Variants in PSEN1 observed in about 807,000 individuals in gnomAD.
PSEN1 encodes the protein presenilin-1.
PSEN1 carries 15 observed loss-of-function variants against 53.5 expected under a neutral mutation model. The ratio of observed to expected loss-of-function variants is 0.28; its 90% CI spans 0.19 to 0.43. PSEN1 has a LOEUF of 0.43. PSEN1 is among the 20% of genes least tolerant of loss of function. The pLI, the probability that PSEN1 is intolerant of heterozygous loss-of-function variation, is 1.00. For missense variants in PSEN1, 387 were observed against 571.2 expected, an observed-to-expected ratio of 0.68 and a Z score of 3.29; for synonymous variants, 208 against 209.8, an observed-to-expected ratio of 0.99 and a Z score of 0.08.
chr14:73,202,567 G>A (rs1460666300), intron 8 of PSEN1, among the ~76,000 whole-genome samples: 1 of 136,690 alleles, frequency 7.3e-6, no homozygotes, highest in Non-Finnish European at 1.5e-5. Context: ...CCACCTCCCG[G>A]GTTCACGCCA....
At chr14:73,169,268 G>A (rs568248682) in intron 3 of PSEN1, 3 of 152,088 alleles carry the variant, frequency 2.0e-5, no homozygotes, top group South Asian at 2.1e-4. Context: ...TCTTAATCTC[G>A]TTTTCTGGTT....
chr14:73,196,681 G>A (rs1221844910), intron 7 of PSEN1, among the ~76,000 whole-genome samples: 1 of 150,850 alleles, frequency 6.6e-6, no homozygotes, highest in Admixed American at 6.6e-5. Context: ...TGCCATCTTG[G>A]CCAGGCTGGT....
At chr14:73,148,906 CT>C (rs1295167215) in intron 3 of PSEN1, among the ~76,000 whole-genome samples, 3 of 151,936 alleles carry the variant, frequency 2.0e-5, no homozygotes, top group Admixed American at 6.6e-5. Context: ...GCACTCCAGC[CT>C]GGGCGACGAG....
At chr14:73,148,933 AAAAT>A (rs1242133949) in intron 3 of PSEN1, among the ~76,000 whole-genome samples, 3 of 152,218 alleles carry the variant, frequency 2.0e-5, no homozygotes, top group African/African-American at 4.8e-5. Context: ...CTCCATCTCA[AAAAT>A]AAATAAATAA....
chr14:73,203,771 A>G (rs1477738614), intron 8 of PSEN1, among the ~76,000 whole-genome samples: 3 of 152,200 alleles, frequency 2.0e-5, no homozygotes, highest in South Asian at 2.1e-4. Context: ...GAGCTTAACT[A>G]GAAGGGAAAC....
chr14:73,217,260 T>C lies in PSEN1; in HGVS notation c.1248+16T>C. On this transcript the variant is annotated intron_variant, in intron 11 of 11. Transcript: ENST00000324501. ...CATATTAATTGTAAGTATACACTAA[T>C]AAGAATGTGTCAGAGCTCTTAATGT... The C allele has an allele frequency of 6.2e-7, 1 of 1,613,844 alleles. No individual in the cohort carries two copies. The highest frequency in any genetic ancestry group is 2.2e-5 in the East Asian group (1 of 44,872).
chr14:73,195,985 T>C (rs1439084570), intron 7 of PSEN1, among the ~76,000 whole-genome samples: 2 of 152,220 alleles, frequency 1.3e-5, no homozygotes, highest in East Asian at 1.9e-4. Flanking sequence ...ACAATATTTT[T>C]ACCATCAACC....
At chr14:73,184,667 G>C (rs1336765350) in intron 5 of PSEN1, among the ~76,000 whole-genome samples, 1 of 109,316 alleles carries the variant, frequency 9.1e-6, no homozygotes, top group African/African-American at 3.4e-5. Context: ...CCTCCCTCCC[G>C]GACGGAGCGG....
intron 5 of PSEN1, among the ~76,000 whole-genome samples, chr14:73,184,785 C>T (rs1298049839): frequency 3.3e-4 from 49 of 147,586 alleles, no homozygotes; most frequent in Middle Eastern, 3.5e-3. Context: ...GGCTGCCGGG[C>T]GGAGACGCTC....
chr14:73,141,761 G>C (rs116521228), intron 1 of PSEN1, among the ~76,000 whole-genome samples: 1 of 151,590 alleles, frequency 6.6e-6, no homozygotes, highest in Non-Finnish European at 1.5e-5. Flanking sequence ...TTCCAGCCTG[G>C]GCGACAAGAG....
intron 5 of PSEN1, among the ~76,000 whole-genome samples, chr14:73,183,939 C>A (rs1404665810): frequency 6.9e-6 from 1 of 144,496 alleles, no homozygotes. Flanking sequence ...GACCCCCCCA[C>A]CTCCCTCCCG....
chr14:73,197,746 A>G, intron 7 of PSEN1: 1 of 416,024 alleles, frequency 2.4e-6, no homozygotes, highest in Non-Finnish European at 4.4e-6. Flanking sequence ...AACTAGGAAG[A>G]CTTGTTCCTA....
At position 73,221,022 on chromosome 14, in the gene PSEN1, T is replaced by C. The variant is rs544487832; in HGVS notation, c.*1733T>C. The stretch of plus-strand genomic sequence containing the variant: ...TCCCAATCTATGATATGATATGACC[T>C]GGTTTGGGGCTGTCTTTGGTGTTTA... On this transcript the variant is annotated 3_prime_UTR_variant, in exon 12 of 12. Coordinates refer to ENST00000324501, the MANE Select transcript of PSEN1 (RefSeq NM_000021.4). 2.6e-5 allele frequency: 4 copies of C among 152,360 alleles called. No individual in the cohort carries two copies. The East Asian group carries it at 7.7e-4, about 29-fold the overall frequency. 9.4% of individuals were successfully genotyped at this position (152,360 alleles called of 1,614,324 possible).
At chr14:73,209,453 AG>A (rs1899592116) in intron 9 of PSEN1, among the ~76,000 whole-genome samples, 2 of 152,222 alleles carry the variant, frequency 1.3e-5, no homozygotes, top group African/African-American at 4.8e-5. Context: ...GTGAGCATGT[AG>A]GTATATATGT....
intron 7 of PSEN1, among the ~76,000 whole-genome samples, chr14:73,193,286 G>A (rs956756079): frequency 6.6e-6 from 1 of 152,048 alleles, no homozygotes; most frequent in African/African-American, 2.4e-5. Context: ...TTCCAGCCTG[G>A]GTGATAGAAC....
intron 5 of PSEN1, among the ~76,000 whole-genome samples, chr14:73,184,763 C>T (rs1419251993): frequency 6.6e-6 from 1 of 151,810 alleles, no homozygotes; most frequent in Non-Finnish European, 1.5e-5. Flanking sequence ...CCACCTCCCT[C>T]CCGGACGGGG....
chr14:73,177,377 GTTTT>G (rs139004553), intron 5 of PSEN1, among the ~76,000 whole-genome samples: 1 of 151,726 alleles, frequency 6.6e-6, no homozygotes, highest in African/African-American at 2.4e-5. Flanking sequence ...CTTTGCTGGG[GTTTT>G]TTTGTGTGTG....
At chr14:73,193,849 G>A (rs534551192) in intron 7 of PSEN1, among the ~76,000 whole-genome samples, 7 of 152,036 alleles carry the variant, frequency 4.6e-5, no homozygotes, top group Admixed American at 1.3e-4. Flanking sequence ...TAGAGAGAAC[G>A]TCTTGCTATA....
At chr14:73,181,440 A>G (rs189592492) in intron 5 of PSEN1, among the ~76,000 whole-genome samples, 68 of 152,260 alleles carry the variant, frequency 4.5e-4, no homozygotes, top group African/African-American at 1.5e-3. Flanking sequence ...TCCATCTCAA[A>G]ATCAATCAAT....
Sources: allele counts gnomAD v4.1 joint callset (sites outside exome capture counted in the v4.1 genomes callset), GRCh38; gene constraint gnomAD v4.1.1; transcripts MANE v1.5; gene names NCBI Gene and HGNC (gene_info 2026-07-23, HGNC 2026-07-21).